LAMA2: variants seen among roughly 807,000 people sequenced by gnomAD.
LAMA2 encodes the protein laminin subunit alpha 2, also known as laminin subunit alpha-2.
In LAMA2, 269 loss-of-function variants were observed where a neutral mutation model predicts 364.8. The ratio of observed to expected loss-of-function variants is 0.74; its 90% CI spans 0.67 to 0.82. The LOEUF (loss-of-function observed/expected upper bound fraction) is 0.82. LAMA2 is among the 40% of genes least tolerant of loss of function. The probability of loss-of-function intolerance (pLI) is 0.00; values close to 1 mark genes in which losing one functional copy is unlikely to be tolerated. For synonymous variants in LAMA2, 1,379 were observed against 1,370.6 expected, an observed-to-expected ratio of 1.01 and a Z score of -0.14; for missense variants, 3,807 against 3,873.2, an observed-to-expected ratio of 0.98 and a Z score of 0.45.
At chr6:129,295,282 G>GTTTTA (rs1773094699) in intron 20 of LAMA2, among the ~76,000 whole-genome samples, 1 of 59,440 alleles carries the variant, frequency 1.7e-5, no homozygotes. Context: ...ATTTGTAAAG[G>GTTTTA]GTTTAGAATT....
At chr6:128,998,372 G>C (rs1784135159) in intron 1 of LAMA2, among the ~76,000 whole-genome samples, 1 of 150,656 alleles carries the variant, frequency 6.6e-6, no homozygotes, top group African/African-American at 2.5e-5. Flanking sequence ...TTCTAAGTCA[G>C]AAGTATGATG....
intron 32 of LAMA2, among the ~76,000 whole-genome samples, chr6:129,354,665 A>G (rs989736636): frequency 6.6e-6 from 1 of 152,158 alleles, no homozygotes; most frequent in Non-Finnish European, 1.5e-5. Context: ...AGCAAACTTG[A>G]AATAAAAAGA....
chr6:128,959,411 C>A (rs938830786), intron 1 of LAMA2, among the ~76,000 whole-genome samples: 8 of 152,124 alleles, frequency 5.3e-5, no homozygotes, highest in Admixed American at 3.9e-4. Context: ...TATCAGCTGG[C>A]TCTAGAATTC....
chr6:129,114,610 T>C (rs879667940), intron 4 of LAMA2, among the ~76,000 whole-genome samples: 8 of 152,022 alleles, frequency 5.3e-5, no homozygotes, highest in Non-Finnish European at 1.2e-4. Context: ...AAAAACTCTA[T>C]ATTTTATGTG....
At chr6:129,461,486 G>T (rs1783253764) in intron 49 of LAMA2, among the ~76,000 whole-genome samples, 2 of 151,970 alleles carry the variant, frequency 1.3e-5, no homozygotes, top group South Asian at 2.1e-4. Context: ...AACATGGAAG[G>T]TTGTCTGTAA....
intron 10 of LAMA2, among the ~76,000 whole-genome samples, chr6:129,179,384 T>C (rs191781885): frequency 2.6e-5 from 4 of 152,278 alleles, no homozygotes; most frequent in Non-Finnish European, 5.9e-5. Context: ...AGTGCTTTTC[T>C]ACACCTACCA....
chr6:129,165,065 A>G (rs1233342643), intron 8 of LAMA2, among the ~76,000 whole-genome samples: 2 of 152,160 alleles, frequency 1.3e-5, no homozygotes, highest in Admixed American at 6.5e-5. Context: ...GTATATAAAT[A>G]AGTCTAATTT....
chr6:129,320,064 C>T (rs1215913997), intron 27 of LAMA2, among the ~76,000 whole-genome samples: 3 of 151,704 alleles, frequency 2.0e-5, no homozygotes, highest in African/African-American at 4.8e-5. Flanking sequence ...ACCTGGTAGG[C>T]GGAGGTTGTA....
intron 17 of LAMA2, among the ~76,000 whole-genome samples, chr6:129,272,165 A>C (rs1787985221): frequency 6.6e-6 from 1 of 152,198 alleles, no homozygotes; most frequent in Non-Finnish European, 1.5e-5. Flanking sequence ...TAACTCAGTA[A>C]GGTAGATATT....
At chr6:129,009,935 A>G (rs920955551) in intron 1 of LAMA2, among the ~76,000 whole-genome samples, 2 of 152,148 alleles carry the variant, frequency 1.3e-5, no homozygotes, top group Non-Finnish European at 2.9e-5. Context: ...TGAGATTAAA[A>G]ATGCTCCAGT....
Position 129,059,855 on chromosome 6 carries a change from A to T in LAMA2, c.355A>T (p.Ile119Phe). 6.2e-7 allele frequency: 1 copy of T among 1,604,642 alleles called. No individual in the cohort carries two copies. The highest frequency in any genetic ancestry group is 8.5e-7 in the Non-Finnish European group (1 of 1,171,450). The change falls in exon 3 of 65, where the codon ATC becomes TTC. Residue 119 changes from isoleucine to phenylalanine, a missense_variant. Ile to Phe is a conservative substitution (Grantham distance 21, BLOSUM62 0). This residue lies in a region of LAMA2 where 394 missense variants were observed against 403.5 expected (regional missense o/e 0.98). Coordinates refer to ENST00000421865, the MANE Select transcript of LAMA2 (RefSeq NM_000426.4). ...GCAGAGTCCCAGTATTAAGAATGGA[A>T]TCGAATACCATTATGTGACAATTAC... ...WWQSPSIKNG[I>F]EYHYVTITLD...
At chr6:129,368,914 T>C (rs1777923134) in intron 33 of LAMA2, among the ~76,000 whole-genome samples, 1 of 152,200 alleles carries the variant, frequency 6.6e-6, no homozygotes, top group Non-Finnish European at 1.5e-5. Flanking sequence ...AGGACACACA[T>C]GTGATGGAAC....
chr6:129,085,890 T>C (rs7757097), intron 3 of LAMA2, among the ~76,000 whole-genome samples: 2 of 151,930 alleles, frequency 1.3e-5, no homozygotes, highest in African/African-American at 2.4e-5. Flanking sequence ...TCAGAAACTT[T>C]TGTTAACTGC....
At chr6:129,479,050 T>C (rs560917802) in intron 54 of LAMA2, among the ~76,000 whole-genome samples, 3 of 152,348 alleles carry the variant, frequency 2.0e-5, no homozygotes, top group African/African-American at 7.2e-5. Flanking sequence ...ATAGCACATA[T>C]CATTAATACT....
chr6:129,490,392 T>A (rs1029263341), intron 56 of LAMA2, among the ~76,000 whole-genome samples: 1 of 152,182 alleles, frequency 6.6e-6, no homozygotes, highest in East Asian at 1.9e-4. Flanking sequence ...ATCACCACCC[T>A]GTGAATTGGT....
intron 12 of LAMA2, among the ~76,000 whole-genome samples, chr6:129,206,304 A>C (rs1782672536): frequency 6.6e-6 from 1 of 152,214 alleles, no homozygotes; most frequent in South Asian, 2.1e-4. Flanking sequence ...TAGCATTTGC[A>C]TCAAGGTGAG....
At chr6:129,293,092 C>T (rs576697074) in intron 20 of LAMA2, 2 of 985,400 alleles carry the variant, frequency 2.0e-6, no homozygotes, top group South Asian at 4.7e-5. Context: ...CTGCATGGCT[C>T]ATGCCTCTGC....
intron 4 of LAMA2, among the ~76,000 whole-genome samples, chr6:129,109,679 G>A (rs1776032023): frequency 6.6e-6 from 1 of 152,020 alleles, no homozygotes. Context: ...TACTTTGACA[G>A]AGATATAGTA....
intron 45 of LAMA2, among the ~76,000 whole-genome samples, chr6:129,449,293 G>A (rs927620359): frequency 4.6e-5 from 7 of 152,184 alleles, no homozygotes; most frequent in Non-Finnish European, 1.0e-4. Flanking sequence ...TATTCTCACA[G>A]TTCTGGAGAC....
Sources: gnomAD v4.1 joint callset for allele counts (sites outside exome capture counted in the v4.1 genomes callset) on GRCh38, gnomAD v4.1.1 for gene constraint, gnomAD v4.1.1 regional missense constraint, MANE v1.5 for transcripts, NCBI Gene and HGNC (gene_info 2026-07-23, HGNC 2026-07-21) for gene names.